CR1L: variants seen among roughly 807,000 people sequenced by gnomAD.
The protein encoded by CR1L is complement component receptor 1-like protein.
A neutral mutation model predicts 62.3 loss-of-function variants in CR1L; 59 were observed. The ratio of observed to expected loss-of-function variants is 0.95; its 90% confidence interval spans 0.77 to 1.18. The LOEUF is 1.18. Among genes scored for constraint, CR1L ranks in the 50% most tolerant of loss-of-function variants. The pLI, the probability that CR1L is intolerant of heterozygous loss-of-function variation, is 0.00. For synonymous variants in CR1L, 279 were observed against 248.7 expected (o/e 1.12, Z -1.15); for missense variants, 700 against 702.8 (o/e 1.00, Z 0.04).
At chr1:207,707,115 A>G (rs1428243273) in intron 9 of CR1L, among the ~76,000 whole-genome samples, 1 of 152,242 alleles carries the variant, frequency 6.6e-6, no homozygotes, top group Non-Finnish European at 1.5e-5. Flanking sequence ...TAATTGGAAA[A>G]AATATTAAGT....
intron 9 of CR1L, among the ~76,000 whole-genome samples, chr1:207,703,540 G>T (rs899033622): frequency 7.2e-5 from 11 of 152,234 alleles, no homozygotes; most frequent in African/African-American, 2.7e-4. Flanking sequence ...CATTGACTTT[G>T]TATCCAATCA....
intron 9 of CR1L, among the ~76,000 whole-genome samples, chr1:207,707,806 A>ACACG: frequency 6.6e-6 from 1 of 151,052 alleles, no homozygotes. Context: ...ACACACACAC[A>ACACG]CACACACACA....
At chr1:207,670,850 C>G (rs558314120) in intron 1 of CR1L, among the ~76,000 whole-genome samples, 1 of 151,146 alleles carries the variant, frequency 6.6e-6, no homozygotes, top group African/African-American at 2.5e-5. Context: ...ACAATAACCT[C>G]CAAATGTGAA....
At position 207,683,043 on chromosome 1, in the gene CR1L, C is replaced by T. The variant is rs1415902386; in HGVS notation, c.378-829C>T. On this transcript the variant is annotated intron_variant, in intron 3 of 11. Coordinates refer to ENST00000508064, the MANE Select transcript of CR1L (RefSeq NM_175710.2). Reference sequence around the variant, plus strand: ...CTTTCTTTCCTTCCTTCCTTCCTTCCCTCCTTCCTTCCTTCTTTCTTTCTT... The same window carrying T: ...CTTTCTTTCCTTCCTTCCTTCCTTCTCTCCTTCCTTCCTTCTTTCTTTCTT... 2.8e-5 allele frequency among the ~76,000 whole-genome samples: 3 copies of T among 106,402 alleles called. 1 individual carries two copies. Among genetic ancestry groups the T allele is most frequent in the Non-Finnish European group, 3.8e-5 (2 of 52,398 alleles). The allele number at this position is 106,402 out of a possible 152,430, so 69.8% of individuals were successfully genotyped here. A position where few individuals can be genotyped will look rare whatever the true frequency, so the allele number is the denominator to read the frequency against.
chr1:207,702,902 G>T (rs547608075), intron 9 of CR1L, among the ~76,000 whole-genome samples: 1 of 152,300 alleles, frequency 6.6e-6, no homozygotes, highest in South Asian at 2.1e-4. Context: ...GACCAATATG[G>T]TGAAACCTCA....
At chr1:207,649,982 A>C (rs1298817337) in intron 1 of CR1L, among the ~76,000 whole-genome samples, 1 of 152,182 alleles carries the variant, frequency 6.6e-6, no homozygotes, top group Non-Finnish European at 1.5e-5. Context: ...CGGGCATTTC[A>C]GTTGTGGAAA....
At chr1:207,684,147 T>C (rs1205367370) in intron 4 of CR1L, 190 bp downstream of exon 4, 1 of 445,510 alleles carries the variant, frequency 2.2e-6, no homozygotes, top group African/African-American at 2.0e-5. Flanking sequence ...TATCCTGGGA[T>C]GTGTCTTTTC....
rs1654064325 is a variant in CR1L at position 207,718,693 on chromosome 1, G to C, written c.1642+1002G>C. Reference sequence around the variant, plus strand: ...CTGCCTCGACTTTCCAAAGGTGTGGGATTACAGGCATGAGCCTGGTGCTGA... The same window carrying C: ...CTGCCTCGACTTTCCAAAGGTGTGGCATTACAGGCATGAGCCTGGTGCTGA... On this transcript the variant is annotated intron_variant, in intron 11 of 11. Transcript: ENST00000508064. 3.9e-5 allele frequency among the ~76,000 whole-genome samples: 6 copies of C among 152,188 alleles called. 1 individual carries two copies. In the South Asian group the frequency reaches 1.2e-3, roughly 32 times the overall value.
chr1:207,672,947 G>A (rs1663636198), intron 1 of CR1L, among the ~76,000 whole-genome samples: 1 of 152,030 alleles, frequency 6.6e-6, no homozygotes. Flanking sequence ...AGAAATACTG[G>A]GTGAAGATCA....
rs1187048140 is a variant in CR1L at position 207,650,185 on chromosome 1, G to A, written c.97+4855G>A. Reference sequence around the variant, plus strand: ...TGGAGAGATACCCAGCTAGGAGGCAGCTGGTTATCAGTGGTAATGAAGTCA... The same window carrying A: ...TGGAGAGATACCCAGCTAGGAGGCAACTGGTTATCAGTGGTAATGAAGTCA... On this transcript the variant is annotated intron_variant, in intron 1 of 11. Coordinates refer to ENST00000508064, the MANE Select transcript of CR1L (RefSeq NM_175710.2). Among the ~76,000 whole-genome samples, 3 of 152,174 alleles carry A rather than the reference G, an allele frequency of 2.0e-5. No individual in the cohort carries two copies. The East Asian group carries it at 5.8e-4, about 29-fold the overall frequency.
intron 1 of CR1L, among the ~76,000 whole-genome samples, chr1:207,674,049 G>A (rs1484648487): frequency 6.6e-6 from 1 of 152,188 alleles, no homozygotes; most frequent in Non-Finnish European, 1.5e-5. Flanking sequence ...CTGTGTGAAG[G>A]CTAAAACATT....
chr1:207,690,653 G>C (rs1265682705), intron 4 of CR1L, among the ~76,000 whole-genome samples: 1 of 152,166 alleles, frequency 6.6e-6, no homozygotes, highest in Non-Finnish European at 1.5e-5. Flanking sequence ...AAACTTGGTG[G>C]CTTCAAAGAA....
At chr1:207,707,806 A>ACACACACACACT (rs1664291871) in intron 9 of CR1L, among the ~76,000 whole-genome samples, 1 of 151,052 alleles carries the variant, frequency 6.6e-6, no homozygotes, top group African/African-American at 2.5e-5. Context: ...ACACACACAC[A>ACACACACACACT]CACACACACA....
chr1:207,665,062 GT>G (rs879908765), intron 1 of CR1L, among the ~76,000 whole-genome samples: 1 of 151,228 alleles, frequency 6.6e-6, no homozygotes, highest in Non-Finnish European at 1.5e-5. Flanking sequence ...CATTTTTTTG[GT>G]TTTTTTTTGA....
intron 8 of CR1L, 112 bp downstream of exon 8, chr1:207,699,386 T>A (rs1335173431): frequency 2.6e-5 from 35 of 1,330,720 alleles, no homozygotes; most frequent in Non-Finnish European, 3.4e-5. Context: ...AATTATTGAT[T>A]TGAAAATTTC....
chr1:207,682,197 G>A (rs551472398), intron 3 of CR1L, among the ~76,000 whole-genome samples: 36 of 152,108 alleles, frequency 2.4e-4, no homozygotes, highest in African/African-American at 4.6e-4. Flanking sequence ...GAGTCCAGGC[G>A]CAGTGGCTCA....
chr1:207,653,093 T>C lies in CR1L; in HGVS notation c.97+7763T>C, dbSNP rs182533588. 1.5e-5 allele frequency: 3 copies of C among 202,998 alleles called. No individual in the cohort carries two copies. The East Asian group carries it at 4.3e-4, about 29-fold the overall frequency. The allele number at this position is 202,998 out of a possible 1,614,324, so 12.6% of individuals were successfully genotyped here. A position where few individuals can be genotyped will look rare whatever the true frequency, so the allele number is the denominator to read the frequency against. On this transcript the variant is annotated intron_variant, in intron 1 of 11. Coordinates refer to ENST00000508064, the MANE Select transcript of CR1L (RefSeq NM_175710.2). ...TTTTCTTTTAGGAAAAACATGTCCA[T>C]GTATAGGTGATCCTTTACATGGCCA... is the stretch of plus-strand genomic sequence containing the variant.
At chr1:207,682,195 G>A (rs1342664507) in intron 3 of CR1L, among the ~76,000 whole-genome samples, 4 of 152,054 alleles carry the variant, frequency 2.6e-5, no homozygotes, top group African/African-American at 9.7e-5. Flanking sequence ...ATGAGTCCAG[G>A]CGCAGTGGCT....
At chr1:207,687,972 T>C (rs567012185) in intron 4 of CR1L, among the ~76,000 whole-genome samples, 1 of 152,300 alleles carries the variant, frequency 6.6e-6, no homozygotes, top group South Asian at 2.1e-4. Context: ...CTGCTTTTTC[T>C]ATTCTACTTA....
Sources: gnomAD v4.1 joint callset for allele counts (sites outside exome capture counted in the v4.1 genomes callset) on GRCh38, gnomAD v4.1.1 for gene constraint, MANE v1.5 for transcripts, NCBI Gene and HGNC (gene_info 2026-07-23, HGNC 2026-07-21) for gene names.